The following HFM1 variants were observed in gnomAD, a reference collection of about 807,000 sequenced individuals.
The protein encoded by HFM1 is helicase for meiosis 1, also known as probable ATP-dependent DNA helicase HFM1.
HFM1 carries 169 observed loss-of-function variants against 192.1 expected under a neutral mutation model. The observed-to-expected ratio is 0.88, with a 90% CI of 0.78 to 1.00. HFM1 has a LOEUF of 1.00. Ranked by LOEUF, HFM1 falls within the 50% of genes least tolerant of loss-of-function variation. The pLI, the probability that HFM1 is intolerant of heterozygous loss-of-function variation, is 0.00. For synonymous variants in HFM1, 525 were observed against 537.8 expected (o/e 0.98, Z 0.33); for missense variants, 1,661 against 1,668.0 (o/e 1.00, Z 0.07).
intron 13 of HFM1, among the ~76,000 whole-genome samples, chr1:91,370,506 T>C (rs1390686865): frequency 2.0e-5 from 3 of 152,150 alleles, no homozygotes; most frequent in East Asian, 1.9e-4. Context: ...ATTATCTCAA[T>C]AGATGCAGAA....
At chr1:91,368,460 C>G (rs147182913) in intron 13 of HFM1, among the ~76,000 whole-genome samples, 1 of 152,042 alleles carries the variant, frequency 6.6e-6, no homozygotes, top group Non-Finnish European at 1.5e-5. Context: ...CTTAAAGAAA[C>G]GAATTTTCAA....
chr1:91,292,541 G>C (rs1397311998), intron 30 of HFM1, among the ~76,000 whole-genome samples: 1 of 151,566 alleles, frequency 6.6e-6, no homozygotes, highest in Admixed American at 6.6e-5. Flanking sequence ...CACTGCTCAA[G>C]AAAATAAAAG....
In HFM1 at chr1:91,375,545, A is replaced by C; in HGVS notation, c.1578T>G (p.Asp526Glu). ...TCCATACCACAAGTGTGGGTTTCTG[A>C]TCAGAGTACATTTGTATAACACTGG... is the stretch of plus-strand genomic sequence containing the variant. ...KIASVIQMYS[D>E]QKPTLVFCAT... Residue 526 changes from aspartate to glutamate, a missense_variant, in exon 12 of 39, where the codon GAT becomes GAG. Asp to Glu is a conservative substitution (Grantham distance 45, BLOSUM62 2). Coordinates refer to ENST00000370425, the MANE Select transcript of HFM1 (RefSeq NM_001017975.6). 6.2e-7 allele frequency: 1 copy of C among 1,613,368 alleles called. No individual in the cohort carries two copies. Among genetic ancestry groups the C allele is most frequent in the Non-Finnish European group, 8.5e-7 (1 of 1,179,506 alleles).
chr1:91,394,513 C>A, intron 3 of HFM1, 111 bp from the exon 4 acceptor site: 1 of 649,408 alleles, frequency 1.5e-6, no homozygotes, highest in Non-Finnish European at 2.6e-6. Context: ...AAGCCAAAAG[C>A]AAAGCACTAG....
chr1:91,343,907 T>C (rs1292591116), intron 19 of HFM1, among the ~76,000 whole-genome samples: 1 of 152,224 alleles, frequency 6.6e-6, no homozygotes, highest in African/African-American at 2.4e-5. Context: ...AGTAACCACT[T>C]TGCTATCTGC....
At chr1:91,294,999 T>C (rs1367337970) in intron 30 of HFM1, among the ~76,000 whole-genome samples, 1 of 152,130 alleles carries the variant, frequency 6.6e-6, no homozygotes, top group Non-Finnish European at 1.5e-5. Flanking sequence ...TGATTAAGAG[T>C]AGTAGTTGTT....
intron 13 of HFM1, among the ~76,000 whole-genome samples, chr1:91,370,479 A>C (rs552645130): frequency 6.6e-6 from 1 of 152,336 alleles, no homozygotes; most frequent in South Asian, 2.1e-4. Flanking sequence ...AACAGAACCA[A>C]AGACAAAAAC....
chr1:91,264,395 C>T (rs1185738209), intron 36 of HFM1, among the ~76,000 whole-genome samples: 3 of 32,084 alleles, frequency 9.4e-5, no homozygotes, highest in Non-Finnish European at 1.0e-4. Context: ...TTTTTTGAGA[C>T]GGAGTCTCGC....
At chr1:91,320,180 A>G (rs1210951696) in intron 23 of HFM1, among the ~76,000 whole-genome samples, 2 of 152,168 alleles carry the variant, frequency 1.3e-5, no homozygotes, top group African/African-American at 4.8e-5. Flanking sequence ...TCCTCAGTAG[A>G]AGGAGGTCTC....
At chr1:91,307,984 T>C (rs775591827) in intron 30 of HFM1, among the ~76,000 whole-genome samples, 1 of 152,194 alleles carries the variant, frequency 6.6e-6, no homozygotes, top group Non-Finnish European at 1.5e-5. Context: ...TAGCTGTCAG[T>C]TTCACTGTTG....
intron 34 of HFM1, among the ~76,000 whole-genome samples, chr1:91,273,071 A>T (rs1177652249): frequency 1.3e-5 from 2 of 152,092 alleles, no homozygotes; most frequent in Non-Finnish European, 2.9e-5. Flanking sequence ...CAGGAACCAG[A>T]GTAATGATGA....
Position 91,326,736 on chromosome 1 carries a change from T to C in HFM1, c.2336-1970A>G, listed in dbSNP as rs566647907. Among the ~76,000 whole-genome samples the C allele has an allele frequency of 4.6e-5, 7 of 151,516 alleles. No individual in the cohort carries two copies. In the South Asian group the frequency reaches 1.3e-3, roughly 27 times the overall value. ...AACACAGAATATTATAACACTGTAA[T>C]TGTGGTGTGTAAACTTCTCTTGACT... On this transcript the variant is annotated intron_variant, in intron 20 of 38. Transcript: ENST00000370425.
chr1:91,328,616 T>A (rs1255739439), intron 20 of HFM1: 5 of 1,600,822 alleles, frequency 3.1e-6, no homozygotes, highest in Admixed American at 3.3e-5. Flanking sequence ...GAGAACGGCA[T>A]CAAGCCCATG....
intron 13 of HFM1, 55 bp from the exon 14 acceptor site, chr1:91,353,354 C>A (rs942088299): frequency 3.0e-6 from 3 of 998,712 alleles, no homozygotes; most frequent in Non-Finnish European, 4.5e-6. Flanking sequence ...TTAGAGAACT[C>A]TGAAACAGTT....
At chr1:91,304,075 G>C (rs544007925) in intron 30 of HFM1, among the ~76,000 whole-genome samples, 13 of 152,134 alleles carry the variant, frequency 8.5e-5, no homozygotes, top group African/African-American at 2.7e-4. Flanking sequence ...GGGTGGTCTT[G>C]AACTCCTGAC....
Position 91,322,955 on chromosome 1 carries a change from T to A in HFM1, c.2577A>T (p.Val859=). ...TAAGTATGAATCATCTTTACCAATT[T>A]ACTTTCATTTCTCTTGTTTTAATTC... ...EGRIKTREMK[V]NCLIQAQLGC... The change falls in exon 23 of 39, where the codon GTA becomes GTT. Residue 859 remains valine (V), a synonymous_variant. Coordinates refer to ENST00000370425, the MANE Select transcript of HFM1 (RefSeq NM_001017975.6). The A allele has an allele frequency of 7.5e-7, 1 of 1,341,752 alleles. No individual in the cohort carries two copies. Among genetic ancestry groups the A allele is most frequent in the Non-Finnish European group, 1.0e-6 (1 of 999,536 alleles). 83.1% of individuals were successfully genotyped at this position (1,341,752 alleles called of 1,614,324 possible).
At chr1:91,277,506 GGTGTGT>G (rs67268923) in intron 30 of HFM1, among the ~76,000 whole-genome samples, 14 of 134,080 alleles carry the variant, frequency 1.0e-4, no homozygotes, top group African/African-American at 1.7e-4. Flanking sequence ...CTCCCTGGTG[GGTGTGT>G]GTGTGTGTGT....
chr1:91,328,730 G>C, intron 20 of HFM1: 1 of 1,608,900 alleles, frequency 6.2e-7, no homozygotes, highest in Non-Finnish European at 8.5e-7. Context: ...GGCTCAGGCT[G>C]CTGGGGCCGA....
At chr1:91,273,095 G>C (rs1454166992) in intron 34 of HFM1, among the ~76,000 whole-genome samples, 1 of 151,908 alleles carries the variant, frequency 6.6e-6, no homozygotes, top group African/African-American at 2.4e-5. Context: ...AGGCAGTGTT[G>C]AATTTATATG....
Sources: gnomAD v4.1 joint callset for allele counts (sites outside exome capture counted in the v4.1 genomes callset) on GRCh38, gnomAD v4.1.1 for gene constraint, MANE v1.5 for transcripts, NCBI Gene and HGNC (gene_info 2026-07-23, HGNC 2026-07-21) for gene names.